CNTNAP2: variants seen among roughly 807,000 people sequenced by gnomAD.
CNTNAP2 encodes contactin associated protein 2, also known as contactin-associated protein-like 2.
A neutral mutation model predicts 155.2 loss-of-function variants in CNTNAP2; 98 were observed. That is an observed-to-expected ratio of 0.63 (90% CI 0.54 to 0.75). The LOEUF (loss-of-function observed/expected upper bound fraction) is 0.75. CNTNAP2 is among the 30% of genes least tolerant of loss of function. The probability of loss-of-function intolerance (pLI) is 0.00; values close to 1 mark genes in which losing one functional copy is unlikely to be tolerated. For missense variants in CNTNAP2, 1,727 were observed against 1,688.1 expected (o/e 1.02, Z -0.40); for synonymous variants, 651 against 631.2 (o/e 1.03, Z -0.47).
At chr7:146,658,778 A>T (rs1018261096) in intron 1 of CNTNAP2, among the ~76,000 whole-genome samples, 1 of 152,248 alleles carries the variant, frequency 6.6e-6, no homozygotes, top group Non-Finnish European at 1.5e-5. Flanking sequence ...CACAATGCAC[A>T]GTGTGAAAAG....
chr7:147,498,802 T>A (rs1005831992), intron 11 of CNTNAP2, among the ~76,000 whole-genome samples: 2 of 152,176 alleles, frequency 1.3e-5, no homozygotes, highest in Non-Finnish European at 2.9e-5. Flanking sequence ...TTTTTCCCAT[T>A]TGTCATCACC....
chr7:148,205,682 C>T (rs1416048110), intron 18 of CNTNAP2, among the ~76,000 whole-genome samples: 2 of 152,198 alleles, frequency 1.3e-5, no homozygotes, highest in Non-Finnish European at 1.5e-5. Context: ...CCACTTCATA[C>T]GCACACAAAA....
At position 147,772,489 on chromosome 7, in the gene CNTNAP2, C is replaced by CAAA. The variant is rs1243346516; in HGVS notation, c.2099-131075_2099-131074insAAA. Among the ~76,000 whole-genome samples, 132 of 103,638 alleles carry CAAA rather than the reference C, an allele frequency of 1.3e-3. 2 individuals carry two copies. Among genetic ancestry groups the CAAA allele is most frequent in the African/African-American group, 4.9e-3 (125 of 25,278 alleles). 68.0% of individuals were successfully genotyped at this position (103,638 alleles called of 152,430 possible). A position where few individuals can be genotyped will look rare whatever the true frequency, so the allele number is the denominator to read the frequency against. The stretch of plus-strand genomic sequence containing the variant: ...ATATATATATATATATATATACACA[C>CAAA]ACAAAAAAAAAACCACAAAAGAGGT... On this transcript the variant is annotated intron_variant, in intron 13 of 23. Transcript: ENST00000361727.
intron 3 of CNTNAP2, among the ~76,000 whole-genome samples, chr7:146,868,399 A>G (rs748977676): frequency 4.6e-5 from 7 of 152,152 alleles, no homozygotes; most frequent in Non-Finnish European, 5.9e-5. Flanking sequence ...TACCATTACC[A>G]TGCTGTTTTC....
intron 21 of CNTNAP2, among the ~76,000 whole-genome samples, chr7:148,317,745 G>A (rs1797715889): frequency 6.6e-6 from 1 of 151,294 alleles, no homozygotes; most frequent in Admixed American, 6.6e-5. Context: ...CTTTCGCCCA[G>A]GCTGAAGTGC....
intron 8 of CNTNAP2, among the ~76,000 whole-genome samples, chr7:147,237,127 G>A (rs928854593): frequency 2.3e-5 from 3 of 129,540 alleles, no homozygotes; most frequent in African/African-American, 9.0e-5. Context: ...GCACAGTGGT[G>A]CAATCTCAGC....
At chr7:147,702,014 C>T (rs1156862878) in intron 13 of CNTNAP2, among the ~76,000 whole-genome samples, 2 of 147,920 alleles carry the variant, frequency 1.4e-5, no homozygotes, top group Non-Finnish European at 3.0e-5. Context: ...TGAAGTAGAA[C>T]AGTAGTTCTT....
intron 3 of CNTNAP2, among the ~76,000 whole-genome samples, chr7:146,992,344 A>G (rs1798223647): frequency 6.6e-6 from 1 of 152,196 alleles, no homozygotes; most frequent in African/African-American, 2.4e-5. Flanking sequence ...AAAATTTAAT[A>G]CATATTGTTG....
At chr7:147,821,008 TAAA>T in intron 13 of CNTNAP2, among the ~76,000 whole-genome samples, 1 of 152,086 alleles carries the variant, frequency 6.6e-6, no homozygotes, top group South Asian at 2.1e-4. Flanking sequence ...AGCTTTTGTC[TAAA>T]AAAAGAGAAA....
chr7:147,542,469 A>G (rs1002866755), intron 11 of CNTNAP2, among the ~76,000 whole-genome samples: 4 of 152,324 alleles, frequency 2.6e-5, no homozygotes, highest in Non-Finnish European at 4.4e-5. Context: ...GAGACTTAGC[A>G]TCTTTATTTG....
chr7:147,197,334 C>T (rs1250479380), intron 8 of CNTNAP2, among the ~76,000 whole-genome samples: 2 of 140,216 alleles, frequency 1.4e-5, no homozygotes, highest in Non-Finnish European at 3.1e-5. Context: ...CTCGGGCCTG[C>T]CCCCCCGCCC....
At chr7:146,498,760 G>A (rs1797256725) in intron 1 of CNTNAP2, among the ~76,000 whole-genome samples, 3 of 151,792 alleles carry the variant, frequency 2.0e-5, no homozygotes, top group African/African-American at 7.3e-5. Flanking sequence ...TTTCTGGAGA[G>A]GAGAACTAAT....
intron 15 of CNTNAP2, among the ~76,000 whole-genome samples, chr7:148,037,417 C>A (rs1197696042): frequency 1.3e-5 from 2 of 152,130 alleles, no homozygotes; most frequent in Non-Finnish European, 1.5e-5. Flanking sequence ...GCTGTGTGCC[C>A]ACTTGTTGCT....
At chr7:147,960,673 GC>G (rs1455046106) in intron 14 of CNTNAP2, among the ~76,000 whole-genome samples, 3 of 152,104 alleles carry the variant, frequency 2.0e-5, no homozygotes, top group Non-Finnish European at 2.9e-5. Context: ...CACAGGATGA[GC>G]TCAACATCCT....
At chr7:146,824,640 G>A (rs529978271) in intron 2 of CNTNAP2, among the ~76,000 whole-genome samples, 33 of 152,152 alleles carry the variant, frequency 2.2e-4, no homozygotes, top group African/African-American at 7.0e-4. Context: ...AATGACCAGC[G>A]ATCATGAGCT....
intron 22 of CNTNAP2, among the ~76,000 whole-genome samples, chr7:148,402,861 A>T (rs1799619234): frequency 6.6e-6 from 1 of 152,018 alleles, no homozygotes. Context: ...GATATATGAC[A>T]ACCTGAAGCT....
intron 1 of CNTNAP2, among the ~76,000 whole-genome samples, chr7:146,452,427 A>C (rs1458253055): frequency 6.6e-6 from 1 of 152,208 alleles, no homozygotes; most frequent in Non-Finnish European, 1.5e-5. Context: ...GAATAGATTA[A>C]TGCAATGTAG....
chr7:147,984,470 G>T (rs964557282), intron 15 of CNTNAP2, among the ~76,000 whole-genome samples: 1 of 152,118 alleles, frequency 6.6e-6, no homozygotes, highest in African/African-American at 2.4e-5. Context: ...TCAGAGTTCA[G>T]ACTGGAATCT....
intron 13 of CNTNAP2, among the ~76,000 whole-genome samples, chr7:147,718,045 G>A (rs983474827): frequency 6.6e-6 from 1 of 151,938 alleles, no homozygotes; most frequent in South Asian, 2.1e-4. Flanking sequence ...TGAAATCAAG[G>A]ATAAATTCAT....
Sources: allele counts gnomAD v4.1 joint callset (sites outside exome capture counted in the v4.1 genomes callset), GRCh38; gene constraint gnomAD v4.1.1; transcripts MANE v1.5; gene names NCBI Gene and HGNC (gene_info 2026-07-23, HGNC 2026-07-21).